The following MECOM variants were observed in gnomAD, a reference collection of about 807,000 sequenced individuals.
MECOM encodes MDS1 and EVI1 complex locus.
A neutral mutation model predicts 116.3 loss-of-function variants in MECOM; 13 were observed. The observed-to-expected ratio is 0.11, with a 90% CI of 0.07 to 0.18. The LOEUF (loss-of-function observed/expected upper bound fraction) is 0.18. Among genes scored for constraint, MECOM ranks in the 10% least tolerant of loss-of-function variants. The pLI is 1.00. For missense variants in MECOM, 1,299 were observed against 1,509.0 expected, an observed-to-expected ratio of 0.86 and a Z score of 2.31; for synonymous variants, 528 against 535.2, an observed-to-expected ratio of 0.99 and a Z score of 0.19.
intron 10 of MECOM, among the ~76,000 whole-genome samples, chr3:169,105,047 G>C (rs1210688247): frequency 6.6e-6 from 1 of 152,150 alleles, no homozygotes; most frequent in Admixed American, 6.6e-5. Flanking sequence ...GAAAGGGAGG[G>C]AAAGACGATG....
intron 2 of MECOM, among the ~76,000 whole-genome samples, chr3:169,329,271 G>A (rs1722350179): frequency 6.6e-6 from 1 of 152,170 alleles, no homozygotes; most frequent in Admixed American, 6.5e-5. Flanking sequence ...ATTGAAGTCA[G>A]TCTATCAGGT....
intron 3 of MECOM, among the ~76,000 whole-genome samples, chr3:169,134,122 T>C (rs1242814818): frequency 1.3e-5 from 2 of 152,220 alleles, no homozygotes; most frequent in Non-Finnish European, 2.9e-5. Context: ...TAAGAGAGTA[T>C]TATGATATCA....
Position 169,570,698 on chromosome 3 carries a change from T to C in MECOM, c.37+92638A>G, listed in dbSNP as rs1423540804. On this transcript the variant is annotated intron_variant, in intron 1 of 16. Transcript: ENST00000651503. ...GTCTGATTCAACATATGCAAATCTA[T>C]AAACATAATCCATCACATAAACATA... 2.0e-5 allele frequency among the ~76,000 whole-genome samples: 3 copies of C among 152,200 alleles called. No individual in the cohort carries two copies. The East Asian group carries it at 5.8e-4, about 29-fold the overall frequency.
intron 1 of MECOM, among the ~76,000 whole-genome samples, chr3:169,483,056 C>T (rs1480185943): frequency 2.6e-5 from 4 of 152,072 alleles, no homozygotes; most frequent in African/African-American, 7.2e-5. Context: ...CACCTCAACT[C>T]GAATCAGTAT....
chr3:169,584,437 C>T (rs1000397494), intron 1 of MECOM, among the ~76,000 whole-genome samples: 15 of 151,336 alleles, frequency 9.9e-5, no homozygotes, highest in South Asian at 8.4e-4. Flanking sequence ...TGGTGGCGAG[C>T]GCCTGTAGTC....
chr3:169,297,649 A>T (rs548189978), intron 2 of MECOM, among the ~76,000 whole-genome samples: 81 of 152,116 alleles, frequency 5.3e-4, no homozygotes, highest in East Asian at 1.2e-3. Flanking sequence ...ATATTATTTT[A>T]AAAAAAATCA....
intron 11 of MECOM, among the ~76,000 whole-genome samples, chr3:169,101,595 C>G (rs536907387): frequency 6.6e-6 from 1 of 151,970 alleles, no homozygotes; most frequent in Admixed American, 6.5e-5. Context: ...CACACAAAAC[C>G]AGAAACATAA....
At chr3:169,174,503 C>T (rs1332600050) in intron 2 of MECOM, among the ~76,000 whole-genome samples, 1 of 152,070 alleles carries the variant, frequency 6.6e-6, no homozygotes, top group African/African-American at 2.4e-5. Flanking sequence ...TGAGTAAAAA[C>T]CTCTTTATAA....
chr3:169,484,117 A>T, intron 1 of MECOM: 4 of 814,380 alleles, frequency 4.9e-6, no homozygotes, highest in Admixed American at 4.3e-5. Context: ...CAATTTCTCT[A>T]GTAAACAAAA....
chr3:169,176,069 C>T (rs1023585752), intron 2 of MECOM, among the ~76,000 whole-genome samples: 4 of 150,790 alleles, frequency 2.7e-5, no homozygotes, highest in African/African-American at 9.8e-5. Context: ...TTATCTTGGG[C>T]CACACATAAA....
intron 1 of MECOM, among the ~76,000 whole-genome samples, chr3:169,393,691 T>C (rs2108350278): frequency 6.6e-6 from 1 of 152,298 alleles, no homozygotes. Flanking sequence ...GGTGTTTTGC[T>C]GATTTTTTTA....
intron 5 of MECOM, among the ~76,000 whole-genome samples, 172 bp from the exon 6 acceptor site, chr3:169,122,899 C>T (rs2149130311): frequency 6.6e-6 from 1 of 152,166 alleles, no homozygotes; most frequent in South Asian, 2.1e-4. Context: ...TTTTATATTT[C>T]CTGGACTGTG....
At chr3:169,090,587 T>A (rs1184939675) in intron 14 of MECOM, among the ~76,000 whole-genome samples, 2 of 152,060 alleles carry the variant, frequency 1.3e-5, no homozygotes, top group Non-Finnish European at 2.9e-5. Context: ...ATTTACCTAA[T>A]TGCCATGTAA....
At chr3:169,536,803 A>G (rs1759421823) in intron 1 of MECOM, among the ~76,000 whole-genome samples, 1 of 152,212 alleles carries the variant, frequency 6.6e-6, no homozygotes, top group South Asian at 2.1e-4. Context: ...AAATAGTAGC[A>G]GCAGGCACAA....
intron 1 of MECOM, among the ~76,000 whole-genome samples, chr3:169,586,259 A>G (rs1373132991): frequency 6.6e-6 from 1 of 152,230 alleles, no homozygotes; most frequent in Non-Finnish European, 1.5e-5. Flanking sequence ...ATTTAGTTTA[A>G]ATTTTTTTAC....
intron 2 of MECOM, among the ~76,000 whole-genome samples, chr3:169,333,772 C>T (rs993978590): frequency 6.6e-6 from 1 of 151,968 alleles, no homozygotes; most frequent in African/African-American, 2.4e-5. Context: ...AGGAGTTCTA[C>T]ATAACAACTG....
At chr3:169,213,601 G>C (rs1751061622) in intron 2 of MECOM, among the ~76,000 whole-genome samples, 1 of 152,086 alleles carries the variant, frequency 6.6e-6, no homozygotes, top group Non-Finnish European at 1.5e-5. Flanking sequence ...GATCATAAGA[G>C]AAAGAAATGC....
At chr3:169,438,374 G>A (rs1481172444) in intron 1 of MECOM, among the ~76,000 whole-genome samples, 4 of 152,136 alleles carry the variant, frequency 2.6e-5, no homozygotes, top group Admixed American at 6.5e-5. Context: ...TCAAGAGTCC[G>A]TAGTTTATTT....
chr3:169,443,903 C>T lies in MECOM; in HGVS notation c.38-62379G>A, dbSNP rs143841958. ...CAGCACTAGACAGTTAGCTCTGGCT[C>T]CTCCACTCTCTTGAGGTCTGTGAGC... On this transcript the variant is annotated intron_variant, in intron 1 of 16. Transcript: ENST00000651503. Among the ~76,000 whole-genome samples the T allele has an allele frequency of 7.2e-5, 11 of 152,254 alleles. No homozygotes were observed. In the East Asian group the frequency reaches 2.1e-3, roughly 29 times the overall value.
Sources: gnomAD v4.1 joint callset for allele counts (sites outside exome capture counted in the v4.1 genomes callset) on GRCh38, gnomAD v4.1.1 for gene constraint, MANE v1.5 for transcripts, NCBI Gene and HGNC (gene_info 2026-07-23, HGNC 2026-07-21) for gene names.